The following ZSWIM6 variants were observed in gnomAD, a reference collection of about 807,000 sequenced individuals.
ZSWIM6 encodes zinc finger SWIM domain-containing protein 6.
Under a neutral mutation model 113.2 loss-of-function variants are expected in ZSWIM6, and 9 were observed. The observed-to-expected ratio is 0.08, with a 90% CI of 0.05 to 0.14. The LOEUF is 0.14. ZSWIM6 is among the 10% of genes least tolerant of loss of function. ZSWIM6 has a pLI of 1.00. For missense variants in ZSWIM6, 1,162 were observed against 1,552.2 expected (o/e 0.75, Z 4.22); for synonymous variants, 611 against 606.5 (o/e 1.01, Z -0.11).
At chr5:61,401,814 T>A (rs2112103837) in intron 1 of ZSWIM6, among the ~76,000 whole-genome samples, 1 of 152,274 alleles carries the variant, frequency 6.6e-6, no homozygotes, top group South Asian at 2.1e-4. Context: ...AAAAGAAGCT[T>A]TAGCATAAAT....
At position 61,545,904 on chromosome 5, in the gene ZSWIM6, C is replaced by T. The variant is rs1749876431; in HGVS notation, c.*1587C>T. On this transcript the variant is annotated 3_prime_UTR_variant, in exon 14 of 14. Transcript: ENST00000252744. ...AAAAGTTGTCCAGTGTCTCTTGTTC[C>T]CTTCACTAGAGAACATGCTTAGAGG... The T allele has an allele frequency of 6.6e-6, 1 of 151,780 alleles. No individual in the cohort carries two copies. The highest frequency in any genetic ancestry group is 2.4e-5 in the African/African-American group (1 of 41,318). 9.4% of individuals were successfully genotyped at this position (151,780 alleles called of 1,614,324 possible).
chr5:61,398,320 G>A lies in ZSWIM6; in HGVS notation c.676+65372G>A, dbSNP rs142654424. Reference sequence around the variant, plus strand: ...GTGAACTGTGTATGCAAGGGATCTAGGTTGCACACTCCTTATGAGAATCTA... The same window carrying A: ...GTGAACTGTGTATGCAAGGGATCTAAGTTGCACACTCCTTATGAGAATCTA... On this transcript the variant is annotated intron_variant, in intron 1 of 13. Coordinates refer to ENST00000252744, the MANE Select transcript of ZSWIM6 (RefSeq NM_020928.2). 4.1e-3 allele frequency among the ~76,000 whole-genome samples: 619 copies of A among 152,290 alleles called. 3 individuals are homozygous for A. Among genetic ancestry groups the A allele is most frequent in the Middle Eastern group, 0.017 (5 of 294 alleles).
chr5:61,397,010 G>T (rs1745850544), intron 1 of ZSWIM6, among the ~76,000 whole-genome samples: 1 of 152,188 alleles, frequency 6.6e-6, no homozygotes, highest in Non-Finnish European at 1.5e-5. Flanking sequence ...CTGCTTCTCA[G>T]AGAGGGTAAT....
At chr5:61,420,234 C>T (rs1746328096) in intron 1 of ZSWIM6, among the ~76,000 whole-genome samples, 1 of 152,246 alleles carries the variant, frequency 6.6e-6, no homozygotes, top group African/African-American at 2.4e-5. Context: ...GAACCTAACA[C>T]ATGCTCTAGA....
intron 1 of ZSWIM6, among the ~76,000 whole-genome samples, chr5:61,336,731 TGC>T (rs1744406642): frequency 6.6e-6 from 1 of 151,988 alleles, no homozygotes; most frequent in East Asian, 1.9e-4. Flanking sequence ...CACTCCAGCC[TGC>T]GCAACAGACT....
chr5:61,418,312 G>C (rs954766326), intron 1 of ZSWIM6, among the ~76,000 whole-genome samples: 1 of 152,122 alleles, frequency 6.6e-6, no homozygotes, highest in Non-Finnish European at 1.5e-5. Flanking sequence ...CTGTCGCCCA[G>C]GCTGGAGTGC....
At chr5:61,378,372 C>G (rs1211695832) in intron 1 of ZSWIM6, among the ~76,000 whole-genome samples, 1 of 152,108 alleles carries the variant, frequency 6.6e-6, no homozygotes, top group Non-Finnish European at 1.5e-5. Flanking sequence ...AAAAGTAAAA[C>G]TCCACAAGAT....
At chr5:61,393,292 C>T (rs935115821) in intron 1 of ZSWIM6, among the ~76,000 whole-genome samples, 35 of 151,976 alleles carry the variant, frequency 2.3e-4, no homozygotes, top group African/African-American at 5.1e-4. Flanking sequence ...ATGATCCACC[C>T]GCCTCAGCCT....
Position 61,391,696 on chromosome 5 carries a change from T to C in ZSWIM6, c.676+58748T>C. 8 of 1,128,442 alleles carry C rather than the reference T, an allele frequency of 7.1e-6. 1 individual carries two copies. In the South Asian group the frequency reaches 8.6e-5, roughly 12 times the overall value. The allele number at this position is 1,128,442 out of a possible 1,614,324, so 69.9% of individuals were successfully genotyped here. A position where few individuals can be genotyped will look rare whatever the true frequency, so the allele number is the denominator to read the frequency against. ...CACCTTGGATCCTGGCCTGTCGACTTCCCGCATGATGTTGGTCATGCCAGC... is the reference window on the plus strand; with the variant it reads ...CACCTTGGATCCTGGCCTGTCGACTCCCCGCATGATGTTGGTCATGCCAGC... On this transcript the variant is annotated intron_variant, in intron 1 of 13. Coordinates refer to ENST00000252744, the MANE Select transcript of ZSWIM6 (RefSeq NM_020928.2).
intron 13 of ZSWIM6, among the ~76,000 whole-genome samples, chr5:61,542,462 T>C (rs1749766156): frequency 6.6e-6 from 1 of 152,180 alleles, no homozygotes; most frequent in Non-Finnish European, 1.5e-5. Flanking sequence ...AGTAGATCAG[T>C]TCAGAAGAAA....
intron 1 of ZSWIM6, among the ~76,000 whole-genome samples, chr5:61,452,028 T>C (rs894787262): frequency 2.6e-5 from 4 of 152,294 alleles, no homozygotes; most frequent in Middle Eastern, 3.4e-3. Context: ...GTAAGGTTAC[T>C]GGTACTCTTG....
In ZSWIM6 at chr5:61,526,659, CTATT is replaced by C. The variant is rs144218280; in HGVS notation, c.1837+266_1837+269del. ...ATAATTTTCTTTATTGTTTTAATGA[CTATT>C]TAGTATGTCTAAATTATTTAAAATG... On this transcript the variant is annotated intron_variant, in intron 7 of 13. Transcript: ENST00000252744. Among the ~76,000 whole-genome samples the C allele has an allele frequency of 8.3e-3, 1,254 of 151,952 alleles. 14 individuals carry two copies. Among genetic ancestry groups the C allele is most frequent in the Non-Finnish European group, 0.012 (791 of 67,994 alleles).
intron 1 of ZSWIM6, among the ~76,000 whole-genome samples, chr5:61,361,777 C>A (rs967232090): frequency 1.3e-5 from 2 of 152,176 alleles, no homozygotes; most frequent in Admixed American, 1.3e-4. Context: ...TTCTATTATA[C>A]TTTATGTTGA....
intron 4 of ZSWIM6, among the ~76,000 whole-genome samples, chr5:61,502,493 AC>A (rs1748498720): frequency 6.6e-6 from 1 of 152,160 alleles, no homozygotes; most frequent in Non-Finnish European, 1.5e-5. Context: ...GTGTGACTTT[AC>A]CACATTACTA....
At chr5:61,342,403 G>A (rs373029026) in intron 1 of ZSWIM6, among the ~76,000 whole-genome samples, 1 of 152,076 alleles carries the variant, frequency 6.6e-6, no homozygotes, top group South Asian at 2.1e-4. Flanking sequence ...TTCCTTTTGT[G>A]TTTCTTAACA....
At chr5:61,529,053 C>T (rs1261076528) in intron 7 of ZSWIM6, among the ~76,000 whole-genome samples, 1 of 152,126 alleles carries the variant, frequency 6.6e-6, no homozygotes, top group East Asian at 1.9e-4. Flanking sequence ...GAAGGAGCTA[C>T]TAAAATTGGC....
At chr5:61,338,005 T>C (rs1408277447) in intron 1 of ZSWIM6, among the ~76,000 whole-genome samples, 1 of 152,096 alleles carries the variant, frequency 6.6e-6, no homozygotes, top group Non-Finnish European at 1.5e-5. Flanking sequence ...TGAGGGTCCT[T>C]TCTGAAGGAA....
intron 1 of ZSWIM6, among the ~76,000 whole-genome samples, chr5:61,419,737 GA>G (rs1746320044): frequency 6.6e-6 from 1 of 152,200 alleles, no homozygotes. Context: ...AGCCTCTCCT[GA>G]AAGGCTTTTT....
intron 1 of ZSWIM6, among the ~76,000 whole-genome samples, chr5:61,451,652 A>G (rs1478808546): frequency 1.3e-5 from 2 of 152,200 alleles, no homozygotes; most frequent in African/African-American, 4.8e-5. Context: ...TCTTTCTTTT[A>G]AATGGAGAAG....
Sources: gnomAD v4.1 joint callset for allele counts (sites outside exome capture counted in the v4.1 genomes callset) on GRCh38, gnomAD v4.1.1 for gene constraint, MANE v1.5 for transcripts, NCBI Gene and HGNC (gene_info 2026-07-23, HGNC 2026-07-21) for gene names.